Variants in UBP1 observed in about 807,000 individuals in gnomAD.
UBP1 encodes the protein upstream binding protein 1.
In UBP1, 22 loss-of-function variants were observed where a neutral mutation model predicts 76.1. The observed-to-expected ratio is 0.29, with a 90% CI of 0.21 to 0.41. The LOEUF (loss-of-function observed/expected upper bound fraction) is 0.41, where lower values mean the gene tolerates loss of function less well. UBP1 is among the 10% of genes least tolerant of loss of function. The pLI is 1.00. For missense variants in UBP1, 436 were observed against 668.1 expected (o/e 0.65, Z 3.83); for synonymous variants, 224 against 237.1 (o/e 0.94, Z 0.51).
At position 33,439,957 on chromosome 3, in the gene UBP1, G is replaced by A. The variant is rs2045265557; in HGVS notation, c.-109C>T. The stretch of plus-strand genomic sequence containing the variant: ...GAGGGCGCGGGTGAAGCCTCCGGAG[G>A]GGCGGCGAGTGGTCACCAGCGGCGG... On this transcript the variant is annotated 5_prime_UTR_variant, in exon 1 of 16. Transcript: ENST00000283629. 4 of 1,224,636 alleles carry A rather than the reference G, an allele frequency of 3.3e-6. No homozygotes were observed. The highest frequency in any genetic ancestry group is 4.5e-6 in the Non-Finnish European group (4 of 886,858). The allele number at this position is 1,224,636 out of a possible 1,614,324, so 75.9% of individuals were successfully genotyped here.
At chr3:33,424,877 C>T (rs1380262094) in intron 2 of UBP1, among the ~76,000 whole-genome samples, 2 of 152,142 alleles carry the variant, frequency 1.3e-5, no homozygotes, top group Non-Finnish European at 2.9e-5. Context: ...GAAACCCTGT[C>T]TACTAAAATT....
At chr3:33,415,429 A>T (rs892806425) in intron 3 of UBP1, among the ~76,000 whole-genome samples, 12 of 152,246 alleles carry the variant, frequency 7.9e-5, no homozygotes, top group South Asian at 2.1e-4. Flanking sequence ...TACACAAAAA[A>T]AGCACAAGGG....
At chr3:33,431,290 TA>T (rs1208621275) in intron 1 of UBP1, among the ~76,000 whole-genome samples, 8 of 152,116 alleles carry the variant, frequency 5.3e-5, no homozygotes, top group South Asian at 2.1e-4. Flanking sequence ...AAGAACGGAA[TA>T]GGGGCAAAAA....
chr3:33,438,553 T>C (rs1408604638), intron 1 of UBP1, among the ~76,000 whole-genome samples: 1 of 152,208 alleles, frequency 6.6e-6, no homozygotes, highest in Non-Finnish European at 1.5e-5. Context: ...CCTTAAGTTA[T>C]ACAACTGCAG....
chr3:33,413,333 T>C, intron 3 of UBP1, among the ~76,000 whole-genome samples: 1 of 124,084 alleles, frequency 8.1e-6, no homozygotes, highest in East Asian at 3.3e-4. Context: ...GATCACGAGG[T>C]CAGGGAGATT....
intron 3 of UBP1, 31 bp downstream of exon 3, chr3:33,416,727 T>C (rs990034110): frequency 6.6e-7 from 1 of 1,509,252 alleles, no homozygotes; most frequent in East Asian, 2.3e-5. Context: ...CACAGCAATA[T>C]CCATTGGGAA....
At chr3:33,394,698 C>G (rs1575447653) in intron 13 of UBP1, among the ~76,000 whole-genome samples, 3 of 152,184 alleles carry the variant, frequency 2.0e-5, no homozygotes, top group African/African-American at 7.2e-5. Flanking sequence ...GTATAGAAAC[C>G]CAGAATTTTC....
chr3:33,408,103 T>C (rs930105721), intron 8 of UBP1, among the ~76,000 whole-genome samples: 5 of 152,006 alleles, frequency 3.3e-5, no homozygotes, highest in African/African-American at 1.2e-4. Flanking sequence ...AGAAGAAACA[T>C]GAATCCCATC....
chr3:33,426,210 G>A (rs115671503), intron 1 of UBP1, among the ~76,000 whole-genome samples: 1,957 of 151,756 alleles, frequency 0.013, 40 homozygotes, highest in African/African-American at 0.045. Context: ...TTAAAATGGG[G>A]TTTTACAAAA....
intron 8 of UBP1, among the ~76,000 whole-genome samples, chr3:33,404,554 G>GTT (rs1227124067): frequency 9.2e-5 from 14 of 151,812 alleles, no homozygotes; most frequent in Non-Finnish European, 2.9e-5. Context: ...GTCTGAGACA[G>GTT]GAGAATTGCT....
intron 1 of UBP1, among the ~76,000 whole-genome samples, chr3:33,435,780 C>T (rs1559695131): frequency 1.3e-5 from 2 of 152,234 alleles, no homozygotes; most frequent in Admixed American, 1.3e-4. Context: ...CTATGGCTCA[C>T]TGCCACTGCC....
At chr3:33,402,726 T>G (rs1164820780) in intron 9 of UBP1, 75 bp downstream of exon 9, 2 of 1,109,772 alleles carry the variant, frequency 1.8e-6, no homozygotes, top group East Asian at 5.7e-5. Flanking sequence ...AAGGCTGCTG[T>G]ACATGGAGAG....
In UBP1 at chr3:33,397,073, T is replaced by A. The variant is rs2044028969; in HGVS notation, c.1243A>T (p.Ile415Phe). ...LVQICGAADGIRLYNSLKSRS... is the reference protein window; with the variant it reads ...LVQICGAADGFRLYNSLKSRS... Reference sequence around the variant, plus strand: ...GACTTCAGTGAATTATAGAGCCGAATTCCATCGGCTGCACCACAAATTTGA... The same window carrying A: ...GACTTCAGTGAATTATAGAGCCGAAATCCATCGGCTGCACCACAAATTTGA... The change falls in exon 12 of 16, where the codon ATT (isoleucine) becomes TTT (phenylalanine). Residue 415 changes from isoleucine to phenylalanine, a missense_variant. Physicochemically the swap from Ile to Phe is conservative, Grantham distance 21 (BLOSUM62 0). Transcript: ENST00000283629. The A allele has an allele frequency of 6.2e-7, 1 of 1,603,414 alleles. No individual in the cohort carries two copies. Among genetic ancestry groups the A allele is most frequent in the African/African-American group, 1.3e-5 (1 of 74,422 alleles).
intron 1 of UBP1, among the ~76,000 whole-genome samples, chr3:33,427,942 A>G (rs776382068): frequency 3.3e-5 from 5 of 152,196 alleles, no homozygotes; most frequent in African/African-American, 4.8e-5. Flanking sequence ...CTATAATTCC[A>G]GCACTTTGGA....
At chr3:33,431,223 G>A (rs1008669420) in intron 1 of UBP1, among the ~76,000 whole-genome samples, 1 of 152,256 alleles carries the variant, frequency 6.6e-6, no homozygotes, top group East Asian at 1.9e-4. Context: ...AGAGGAAAAT[G>A]AAGAAGTTAA....
At chr3:33,426,793 G>A (rs1036909912) in intron 1 of UBP1, among the ~76,000 whole-genome samples, 2 of 152,036 alleles carry the variant, frequency 1.3e-5, no homozygotes, top group African/African-American at 4.8e-5. Flanking sequence ...CCATTGTATA[G>A]GCATACCGTA....
intron 4 of UBP1, 91 bp downstream of exon 4, chr3:33,412,631 A>G (rs2044621111): frequency 2.3e-6 from 2 of 859,588 alleles, no homozygotes; most frequent in Admixed American, 2.2e-5. Context: ...AACTTTCCCC[A>G]CACAAGTAAT....
At position 33,409,332 on chromosome 3, in the gene UBP1, G is replaced by A. The variant is rs1201362154; in HGVS notation, c.723C>T (p.Asp241=). Residue 241 remains aspartate (D), a synonymous_variant, in exon 7 of 16, where the codon GAC becomes GAT. Coordinates refer to ENST00000283629, the MANE Select transcript of UBP1 (RefSeq NM_014517.5). ...QIKVFKPKGA[D]RKQKTDREKM... Reference sequence around the variant, plus strand: ...TCTCTCGGTCAGTTTTTTGTTTCCTGTCTGCACCTTTAGGCTTAAAAACAA... The same window carrying A: ...TCTCTCGGTCAGTTTTTTGTTTCCTATCTGCACCTTTAGGCTTAAAAACAA... The A allele has an allele frequency of 6.2e-7, 1 of 1,613,924 alleles. No individual in the cohort carries two copies. The highest frequency in any genetic ancestry group is 8.5e-7 in the Non-Finnish European group (1 of 1,179,964).
chr3:33,440,884 A>T (rs3806611), upstream of UBP1: 58,122 of 152,156 alleles, frequency 0.38, 12,074 homozygotes, highest in East Asian at 0.6. Context: ...TCTCTGCTTT[A>T]TGCCCTCTCT....
Sources: gnomAD v4.1 joint callset for allele counts (sites outside exome capture counted in the v4.1 genomes callset) on GRCh38, gnomAD v4.1.1 for gene constraint, MANE v1.5 for transcripts, NCBI Gene and HGNC (gene_info 2026-07-23, HGNC 2026-07-21) for gene names.